The following EBF3 variants were observed in gnomAD, a reference collection of about 807,000 sequenced individuals.
The protein encoded by EBF3 is EBF transcription factor 3.
EBF3 carries 18 observed loss-of-function variants against 77.1 expected under a neutral mutation model. That is an observed-to-expected ratio of 0.23 (90% CI 0.16 to 0.35). The LOEUF is 0.35. EBF3 is among the 10% of genes least tolerant of loss of function. EBF3 has a pLI of 1.00. For missense variants in EBF3, 558 were observed against 860.0 expected (o/e 0.65, Z 4.39); for synonymous variants, 350 against 343.5 (o/e 1.02, Z -0.21).
intron 8 of EBF3, among the ~76,000 whole-genome samples, chr10:129,869,694 T>C (rs1255199524): frequency 6.6e-6 from 1 of 152,206 alleles, no homozygotes; most frequent in Non-Finnish European, 1.5e-5. Flanking sequence ...ACCGCCGACA[T>C]GCCACCTTCC....
At chr10:129,958,064 T>A (rs772964399) in intron 5 of EBF3, among the ~76,000 whole-genome samples, 1 of 152,260 alleles carries the variant, frequency 6.6e-6, no homozygotes, top group Non-Finnish European at 1.5e-5. Context: ...TCTATGTTAA[T>A]TGCAGTACAT....
chr10:129,857,590 T>A (rs1051008699), intron 10 of EBF3, among the ~76,000 whole-genome samples: 2 of 152,192 alleles, frequency 1.3e-5, no homozygotes, highest in Admixed American at 6.5e-5. Context: ...TTTGACTATT[T>A]TATTAACTTT....
chr10:129,954,972 A>G (rs1410546916), intron 6 of EBF3, among the ~76,000 whole-genome samples: 3 of 152,158 alleles, frequency 2.0e-5, no homozygotes, highest in Non-Finnish European at 2.9e-5. Flanking sequence ...CAGTTGCAAA[A>G]GACGGTGTCA....
In EBF3 at chr10:129,837,676, T is replaced by C. The variant is rs1057367525; in HGVS notation, c.*267A>G. On this transcript the variant is annotated 3_prime_UTR_variant, in exon 17 of 17. Transcript: ENST00000440978. ...GGCGTCGCTTTGTTTTCCTTATTCT[T>C]CAGGACTGAGAAATGTGAAAATATG... The C allele has an allele frequency of 2.2e-5, 11 of 509,422 alleles. No individual in the cohort carries two copies. The Admixed American group carries it at 3.2e-4, about 15-fold the overall frequency. The allele number at this position is 509,422 out of a possible 1,614,324, so 31.6% of individuals were successfully genotyped here.
At chr10:129,881,212 T>C (rs1175165037) in intron 6 of EBF3, among the ~76,000 whole-genome samples, 1 of 152,234 alleles carries the variant, frequency 6.6e-6, no homozygotes. Context: ...ATGGATTTGC[T>C]GCTCCATCAC....
rs1336988857 is a variant in EBF3 at position 129,935,258 on chromosome 10, G to A, written c.554+22000C>T. On this transcript the variant is annotated intron_variant, in intron 6 of 16. Transcript: ENST00000440978. This position sits in a 1 kb window ranked among gnomAD's most constrained non-coding sequence, Gnocchi z 4.2. ...TGTCACAGCAGCCACTGTGGCCCAT[G>A]GCTGTCCCAGCACCCAGAGTGGAGT... 6.6e-6 allele frequency among the ~76,000 whole-genome samples: 1 copy of A among 152,136 alleles called. No homozygotes were observed. The highest frequency in any genetic ancestry group is 1.5e-5 in the Non-Finnish European group (1 of 68,018).
chr10:129,852,739 C>G (rs1264082406), intron 10 of EBF3, among the ~76,000 whole-genome samples: 1 of 152,190 alleles, frequency 6.6e-6, no homozygotes, highest in Non-Finnish European at 1.5e-5. Flanking sequence ...GATTGGAAAA[C>G]ATACACGTTT....
In EBF3 at chr10:129,885,004, G is replaced by A. The variant is rs1412647485; in HGVS notation, c.555-7155C>T. Among the ~76,000 whole-genome samples the A allele has an allele frequency of 6.6e-6, 1 of 152,000 alleles. No homozygotes were observed. Among genetic ancestry groups the A allele is most frequent in the African/African-American group, 2.4e-5 (1 of 41,358 alleles). On this transcript the variant is annotated intron_variant, in intron 6 of 16. Coordinates refer to ENST00000440978, the MANE Select transcript of EBF3 (RefSeq NM_001375380.1). The surrounding 1 kb of genome is among the most constrained non-coding windows in gnomAD (Gnocchi z 4.0). ...ATCTCCTGACAAATACCTCACTATCGAACATTATTAGGTTTAGAAAATTAA... is the reference window on the plus strand; with the variant it reads ...ATCTCCTGACAAATACCTCACTATCAAACATTATTAGGTTTAGAAAATTAA...
At chr10:129,884,286 A>C (rs1435261309) in intron 6 of EBF3, among the ~76,000 whole-genome samples, 2 of 152,134 alleles carry the variant, frequency 1.3e-5, no homozygotes, top group African/African-American at 4.8e-5. Context: ...ACCTGTAATG[A>C]GCAGTTCCTA....
chr10:129,889,752 G>A (rs1853877595), intron 6 of EBF3, among the ~76,000 whole-genome samples: 1 of 146,190 alleles, frequency 6.8e-6, no homozygotes, highest in South Asian at 2.1e-4. Flanking sequence ...GCAGGGAGGG[G>A]AAGTAGGCCA....
rs765439216 is a variant in EBF3, at chr10:129,841,049, C to CCCA, written c.1373-18_1373-17insTGG. 6.2e-6 allele frequency: 10 copies of CCCA among 1,604,718 alleles called. 1 individual carries two copies. The highest frequency in any genetic ancestry group is 8.5e-6 in the Non-Finnish European group (10 of 1,175,850). On this transcript the variant is annotated splice_polypyrimidine_tract_variant and intron_variant, in intron 13 of 16. Coordinates refer to ENST00000440978, the MANE Select transcript of EBF3 (RefSeq NM_001375380.1). This position sits in a 1 kb window ranked among gnomAD's most constrained non-coding sequence, Gnocchi z 4.6. ...TGTAGCCGACTGTTGAAATCCCCCCCCCGGCCAAAAATAACATTATTATCA... is the reference window on the plus strand; with the variant it reads ...TGTAGCCGACTGTTGAAATCCCCCCCCCACCGGCCAAAAATAACATTATTATCA...
Position 129,847,072 on chromosome 10 carries a change from C to T in EBF3, c.1128+1320G>A, listed in dbSNP as rs535751073. On this transcript the variant is annotated intron_variant, in intron 11 of 16. Coordinates refer to ENST00000440978, the MANE Select transcript of EBF3 (RefSeq NM_001375380.1). ...CTGGCAGGCACGCGGTCACCTGTGG[C>T]GCCAACACCAGCTGCCAGCGGGGAG... Among the ~76,000 whole-genome samples, 78 of 152,170 alleles carry T rather than the reference C, an allele frequency of 5.1e-4. 1 individual carries two copies. Among genetic ancestry groups the T allele is most frequent in the African/African-American group, 1.7e-3 (71 of 41,510 alleles).
chr10:129,868,366 T>C lies in EBF3; in HGVS notation c.782-454A>G, dbSNP rs933633979. ...TTCATCCGCGAACTTTGCCTTTTAG[T>C]TCAAAACTTCATTTTCCTCTGTCAC... On this transcript the variant is annotated intron_variant, in intron 8 of 16. Coordinates refer to ENST00000440978, the MANE Select transcript of EBF3 (RefSeq NM_001375380.1). Among the ~76,000 whole-genome samples the C allele has an allele frequency of 2.6e-5, 4 of 152,236 alleles. No homozygotes were observed. In the East Asian group the frequency reaches 5.8e-4, roughly 22 times the overall value.
intron 6 of EBF3, among the ~76,000 whole-genome samples, chr10:129,945,614 C>T (rs182182204): frequency 2.6e-5 from 4 of 152,272 alleles, no homozygotes; most frequent in East Asian, 1.9e-4. Flanking sequence ...TGCAGGATCC[C>T]GGAGCTCTCT....
chr10:129,868,650 G>A (rs897417025), intron 8 of EBF3, among the ~76,000 whole-genome samples: 4 of 152,222 alleles, frequency 2.6e-5, no homozygotes, highest in African/African-American at 9.6e-5. Flanking sequence ...GGAGGGTGCA[G>A]GGGGGAGGGG....
At chr10:129,960,615 G>A (rs562188554) in intron 4 of EBF3, among the ~76,000 whole-genome samples, 1 of 146,966 alleles carries the variant, frequency 6.8e-6, no homozygotes, top group East Asian at 2.0e-4. Flanking sequence ...TCAGTTACTG[G>A]GCTATTTCTT....
intron 6 of EBF3, among the ~76,000 whole-genome samples, chr10:129,919,194 C>T (rs1038245922): frequency 4.6e-5 from 7 of 152,186 alleles, no homozygotes; most frequent in African/African-American, 1.7e-4. Context: ...AATTAAACCA[C>T]ATGGGCAGCA....
At chr10:129,886,250 G>A (rs1265990245) in intron 6 of EBF3, among the ~76,000 whole-genome samples, 2 of 152,168 alleles carry the variant, frequency 1.3e-5, no homozygotes, top group African/African-American at 4.8e-5. Flanking sequence ...TGCCTATGCG[G>A]CTCTCTAGCC....
chr10:129,925,969 T>A (rs1856644378), intron 6 of EBF3, among the ~76,000 whole-genome samples: 3 of 152,140 alleles, frequency 2.0e-5, no homozygotes, highest in Admixed American at 2.0e-4. Flanking sequence ...AACTGGAATT[T>A]GTGCATTAAT....
Sources: gnomAD v4.1 joint callset for allele counts (sites outside exome capture counted in the v4.1 genomes callset) on GRCh38, gnomAD v4.1.1 for gene constraint, Gnocchi (gnomAD v3.1) non-coding constraint, MANE v1.5 for transcripts, NCBI Gene and HGNC (gene_info 2026-07-23, HGNC 2026-07-21) for gene names.